HMCN1: variants seen among roughly 807,000 people sequenced by gnomAD.
HMCN1 encodes hemicentin-1.
A neutral mutation model predicts 625.9 loss-of-function variants in HMCN1; 321 were observed. The observed-to-expected ratio is 0.51, with a 90% CI of 0.47 to 0.56. HMCN1 has a LOEUF of 0.56. Among genes scored for constraint, HMCN1 ranks in the 20% least tolerant of loss-of-function variants. The pLI, the probability that HMCN1 is intolerant of heterozygous loss-of-function variation, is 0.00. For synonymous variants in HMCN1, 2,425 were observed against 2,417.6 expected (o/e 1.00, Z -0.09); for missense variants, 6,588 against 6,887.3 (o/e 0.96, Z 1.54).
At chr1:186,132,264 GA>G in intron 85 of HMCN1, 63 bp from the exon 86 acceptor site, 1 of 1,161,488 alleles carries the variant, frequency 8.6e-7, no homozygotes, top group Non-Finnish European at 1.3e-6. Context: ...GCATCATGGT[GA>G]AAAAAGTGAT....
In HMCN1 at chr1:186,045,741, G is replaced by A. The variant is rs149209524; in HGVS notation, c.6358G>A (p.Ala2120Thr). The change falls in exon 41 of 107, where the codon GCT (alanine) becomes ACT (threonine). Residue 2120 changes from alanine to threonine, a missense_variant. Physicochemically the swap from Ala to Thr is moderately conservative, Grantham distance 58. Transcript: ENST00000271588. ...GAATGTCTCTGTCCTCATTAGCCAA[G>A]CTGTGGAATTACTATGTCAAAGTGA... Reference protein sequence around the residue: ...EQNVSVLISQAVELLCQSDAI... With the variant: ...EQNVSVLISQTVELLCQSDAI... 6.8e-6 allele frequency: 11 copies of A among 1,613,208 alleles called. No individual in the cohort carries two copies. The African/African-American group carries it at 1.3e-4, about 20-fold the overall frequency.
chr1:186,151,621 A>G lies in HMCN1; in HGVS notation c.14774A>G (p.Lys4925Arg), dbSNP rs772110775. 6.2e-6 allele frequency: 10 copies of G among 1,612,782 alleles called. No individual in the cohort carries two copies. Among genetic ancestry groups the G allele is most frequent in the Non-Finnish European group, 8.5e-6 (10 of 1,179,018 alleles). ...TTTTCTTTAGGTTCAGCAATGAGAAAGATAGTTTCTATTCTAAATCCCATT... is the reference window on the plus strand; with the variant it reads ...TTTTCTTTAGGTTCAGCAATGAGAAGGATAGTTTCTATTCTAAATCCCATT... ...VPRSLGSAMR[K>R]IVSILNPIYW... The change falls in exon 95 of 107, where the codon AAG becomes AGG. Residue 4925 changes from lysine (K) to arginine (R), a missense_variant. Physicochemically the swap from Lys to Arg is conservative, Grantham distance 26 (BLOSUM62 2). Coordinates refer to ENST00000271588, the MANE Select transcript of HMCN1 (RefSeq NM_031935.3).
chr1:185,917,634 A>G (rs1666785331), intron 6 of HMCN1, among the ~76,000 whole-genome samples: 1 of 152,226 alleles, frequency 6.6e-6, no homozygotes, highest in Non-Finnish European at 1.5e-5. Context: ...CATGTCATTT[A>G]TTAAACCTAC....
chr1:186,023,818 T>A (rs1337888886), intron 36 of HMCN1, among the ~76,000 whole-genome samples: 2 of 152,204 alleles, frequency 1.3e-5, no homozygotes, highest in Non-Finnish European at 2.9e-5. Flanking sequence ...CTTTTATTAA[T>A]TTATTCATTC....
chr1:185,890,555 C>G (rs867530916), intron 4 of HMCN1, among the ~76,000 whole-genome samples: 179 of 144,182 alleles, frequency 1.2e-3, no homozygotes, highest in Middle Eastern at 3.4e-3. Flanking sequence ...TTTCTGCCTT[C>G]ATTTCGTTAT....
rs1484167230 is a variant in HMCN1, at chr1:186,129,881, A to G, written c.12905-85A>G. ...TTGGTTCAATTGCTGACCAACTCAT[A>G]AATCTAATGTGCAAAATACTGAGCT... On this transcript the variant is annotated intron_variant, in intron 83 of 106. Transcript: ENST00000271588. 6 of 1,539,914 alleles carry G rather than the reference A, an allele frequency of 3.9e-6. No individual in the cohort carries two copies. The East Asian group carries it at 1.4e-4, about 35-fold the overall frequency.
intron 85 of HMCN1, among the ~76,000 whole-genome samples, 158 bp downstream of exon 85, chr1:186,130,855 T>C (rs1489982037): frequency 6.6e-6 from 1 of 152,166 alleles, no homozygotes; most frequent in African/African-American, 2.4e-5. Context: ...AGGATTGAAA[T>C]AGATATTTTA....
At chr1:185,925,312 C>A in intron 9 of HMCN1, 121 bp downstream of exon 9, 1 of 964,020 alleles carries the variant, frequency 1.0e-6, no homozygotes, top group Non-Finnish European at 1.6e-6. Context: ...TGGAATATAG[C>A]AGTGAACAAA....
At chr1:185,774,649 G>T (rs1656476289) in intron 1 of HMCN1, among the ~76,000 whole-genome samples, 1 of 152,110 alleles carries the variant, frequency 6.6e-6, no homozygotes, top group Non-Finnish European at 1.5e-5. Context: ...CCCGTGGAAT[G>T]CACAGCGACC....
intron 29 of HMCN1, among the ~76,000 whole-genome samples, chr1:186,005,588 A>G (rs968267287): frequency 6.6e-6 from 1 of 151,968 alleles, no homozygotes; most frequent in African/African-American, 2.4e-5. Context: ...GTAAAATAAA[A>G]ACAAAAATGT....
chr1:185,777,521 G>A (rs1479246570), intron 1 of HMCN1, among the ~76,000 whole-genome samples: 6 of 151,490 alleles, frequency 4.0e-5, no homozygotes, highest in Non-Finnish European at 7.4e-5. Flanking sequence ...GCACGATCTC[G>A]CCTCACTACC....
chr1:186,018,233 T>C lies in HMCN1; in HGVS notation c.5351T>C (p.Leu1784Ser). The C allele has an allele frequency of 6.2e-7, 1 of 1,613,004 alleles. No individual in the cohort carries two copies. The highest frequency in any genetic ancestry group is 1.7e-5 in the Admixed American group (1 of 59,918). ...GATGAAAGGGATGGATTCAAGATTT[T>C]ATTAAATGGACGCAAACTGGTTATT... is the stretch of plus-strand genomic sequence containing the variant. Reference protein sequence around the residue: ...LIDERDGFKILLNGRKLVIAQ... With the variant: ...LIDERDGFKISLNGRKLVIAQ... Residue 1784 changes from leucine (L) to serine (S), a missense_variant, in exon 34 of 107, where the codon TTA becomes TCA. Physicochemically the swap from Leu to Ser is moderately radical, Grantham distance 145. Around this residue, in one of 3 missense-constraint regions of HMCN1, gnomAD observed 4,628 missense variants for 4,853.1 expected, o/e 0.95. Transcript: ENST00000271588.
chr1:185,827,578 T>A lies in HMCN1; in HGVS notation c.269-18448T>A, dbSNP rs554195373. Among the ~76,000 whole-genome samples, 48 of 151,890 alleles carry A rather than the reference T, an allele frequency of 3.2e-4. 2 individuals are homozygous for A. The South Asian group carries it at 9.4e-3, about 30-fold the overall frequency. ...GAAAGTGAGCAAAATGAAAGAGAAA[T>A]TTAAGAGTTTTAAAAGATTAGACAG... On this transcript the variant is annotated intron_variant, in intron 1 of 106. Coordinates refer to ENST00000271588, the MANE Select transcript of HMCN1 (RefSeq NM_031935.3).
At chr1:186,086,884 T>C (rs1659532375) in intron 58 of HMCN1, among the ~76,000 whole-genome samples, 1 of 151,926 alleles carries the variant, frequency 6.6e-6, no homozygotes, top group African/African-American at 2.4e-5. Context: ...CACCTCGGCA[T>C]TGTGGGAAAT....
At chr1:185,927,223 A>G (rs1667323215) in intron 9 of HMCN1, among the ~76,000 whole-genome samples, 1 of 152,228 alleles carries the variant, frequency 6.6e-6, no homozygotes, top group African/African-American at 2.4e-5. Context: ...CCAAAGATGT[A>G]TGTATTCCAA....
intron 1 of HMCN1, among the ~76,000 whole-genome samples, chr1:185,769,084 T>C (rs1656058534): frequency 6.6e-6 from 1 of 152,196 alleles, no homozygotes; most frequent in African/African-American, 2.4e-5. Context: ...CCTTCTTTAA[T>C]ATGATTTTGG....
At chr1:186,153,149 G>A (rs985191411) in intron 96 of HMCN1, among the ~76,000 whole-genome samples, 3 of 152,102 alleles carry the variant, frequency 2.0e-5, no homozygotes, top group South Asian at 2.1e-4. Flanking sequence ...AGTAATTCTT[G>A]CATAAACGTT....
At chr1:185,788,400 T>C (rs796143632) in intron 1 of HMCN1, among the ~76,000 whole-genome samples, 21 of 152,350 alleles carry the variant, frequency 1.4e-4, no homozygotes, top group African/African-American at 5.1e-4. Context: ...TAGTTTCTTT[T>C]TATTTTTGTG....
chr1:185,818,575 C>T (rs1191474743), intron 1 of HMCN1, among the ~76,000 whole-genome samples: 1 of 152,100 alleles, frequency 6.6e-6, no homozygotes, highest in Non-Finnish European at 1.5e-5. Context: ...TTCTTACCTT[C>T]TTTGATATAA....
Sources: gnomAD v4.1 joint callset for allele counts (sites outside exome capture counted in the v4.1 genomes callset) on GRCh38, gnomAD v4.1.1 for gene constraint, gnomAD v4.1.1 regional missense constraint, MANE v1.5 for transcripts, NCBI Gene and HGNC (gene_info 2026-07-23, HGNC 2026-07-21) for gene names.